The following RRP36 variants were observed in gnomAD, a reference collection of about 807,000 sequenced individuals.
RRP36 encodes ribosomal RNA processing protein 36 homolog.
A neutral mutation model predicts 39.8 loss-of-function variants in RRP36; 44 were observed. The observed-to-expected ratio is 1.10, with a 90% CI of 0.87 to 1.42. The LOEUF is 1.42. Ranked by LOEUF, RRP36 falls within the 40% of genes most tolerant of loss-of-function variation. The probability of loss-of-function intolerance (pLI) is 0.00; values close to 1 mark genes in which losing one functional copy is unlikely to be tolerated. For missense variants in RRP36, 316 were observed against 322.4 expected (o/e 0.98, Z 0.15); for synonymous variants, 124 against 123.1 (o/e 1.01, Z -0.05).
In RRP36 at chr6:43,021,698, G is replaced by T; in HGVS notation, c.44G>T (p.Gly15Val). Reference sequence around the variant, plus strand: ...CGCGCCGGGGCCGGGGCCGGGGCCGGGGCCCGACGTCCCCGCGGGGCCCGG... The same window carrying T: ...CGCGCCGGGGCCGGGGCCGGGGCCGTGGCCCGACGTCCCCGCGGGGCCCGG... ...NYRAGAGAGA[G>V]ARRPRGARDR... Residue 15 changes from glycine (G) to valine (V), a missense_variant, in exon 1 of 7, where the codon GGG becomes GTG. Transcript: ENST00000244496. 1 of 1,198,890 alleles carries T rather than the reference G, an allele frequency of 8.3e-7. No individual in the cohort carries two copies. The highest frequency in any genetic ancestry group is 1.0e-6 in the Non-Finnish European group (1 of 964,924). The allele number at this position is 1,198,890 out of a possible 1,614,324, so 74.3% of individuals were successfully genotyped here. A position where few individuals can be genotyped will look rare whatever the true frequency, so the allele number is the denominator to read the frequency against.
rs1762866281 is a variant in RRP36, at chr6:43,028,981, C to T, written c.644-111C>T. 3.0e-5 allele frequency: 42 copies of T among 1,404,804 alleles called. No individual in the cohort carries two copies. In the South Asian group the frequency reaches 5.5e-4, roughly 19 times the overall value. The allele number at this position is 1,404,804 out of a possible 1,614,324, so 87.0% of individuals were successfully genotyped here. A position where few individuals can be genotyped will look rare whatever the true frequency, so the allele number is the denominator to read the frequency against. On this transcript the variant is annotated intron_variant, in intron 6 of 6. Transcript: ENST00000244496. ...AAAAAGATAGAGGGGCACCAGTGAG[C>T]TTTAAAGAACTCATGTATCCAGCAT...
chr6:43,021,695 C>CCGGGGCCCGACGTCCCCG lies in RRP36; in HGVS notation c.51_68dup (p.Arg18_Arg23dup), dbSNP rs202053592. On this transcript the variant is annotated inframe_insertion, in exon 1 of 7. Transcript: ENST00000244496. ...TACCGCGCCGGGGCCGGGGCCGGGG[C>CCGGGGCCCGACGTCCCCG]CGGGGCCCGACGTCCCCGCGGGGCC... 63 of 1,238,082 alleles carry CCGGGGCCCGACGTCCCCG rather than the reference C, an allele frequency of 5.1e-5. No homozygotes were observed. The highest frequency in any genetic ancestry group is 5.9e-5 in the Non-Finnish European group (58 of 990,276). The allele number at this position is 1,238,082 out of a possible 1,614,324, so 76.7% of individuals were successfully genotyped here.
In RRP36 at chr6:43,026,067, T is replaced by A. The variant is rs1388047801; in HGVS notation, c.376T>A (p.Ser126Thr). The change falls in exon 4 of 7, where the codon TCA (serine) becomes ACA (threonine). Residue 126 changes from serine to threonine, a missense_variant. Physicochemically the swap from Ser to Thr is moderately conservative, Grantham distance 58. Coordinates refer to ENST00000244496, the MANE Select transcript of RRP36 (RefSeq NM_033112.4). ...CCGGGACCCTCGCTTTGATGATCTG[T>A]CAGGGGAATATAATCCTGAGGTGTT... ...VARDPRFDDL[S>T]GEYNPEVFDK... The A allele has an allele frequency of 3.1e-6, 5 of 1,613,804 alleles. No individual in the cohort carries two copies. Among genetic ancestry groups the A allele is most frequent in the Non-Finnish European group, 4.2e-6 (5 of 1,179,820 alleles).
intron 1 of RRP36, among the ~76,000 whole-genome samples, chr6:43,024,753 T>C (rs1186730513): frequency 2.6e-5 from 4 of 152,072 alleles, no homozygotes; most frequent in African/African-American, 9.7e-5. Flanking sequence ...GGGACTATGG[T>C]TTGGTGCACC....
In RRP36 at chr6:43,029,221, A is replaced by C; in HGVS notation, c.773A>C (p.Lys258Thr). 1 of 1,614,172 alleles carries C rather than the reference A, an allele frequency of 6.2e-7. No homozygotes were observed. The highest frequency in any genetic ancestry group is 8.5e-7 in the Non-Finnish European group (1 of 1,180,012). ...GACAGGAGACATCTCCCTTTGAGCA[A>C]AGAGTAATAAGGAACTATCCTCTGC... ...GKDRRHLPLS[K>T]E is the part of the protein sequence containing the mutation. Residue 258 changes from lysine to threonine, a missense_variant, in exon 7 of 7, where the codon AAA becomes ACA. By Grantham distance (78) the Lys-to-Thr change is moderately conservative. Transcript: ENST00000244496.
intron 3 of RRP36, 27 bp downstream of exon 3, chr6:43,025,356 C>T: frequency 6.2e-7 from 1 of 1,608,520 alleles, no homozygotes; most frequent in African/African-American, 1.3e-5. Context: ...GGCACTGTGG[C>T]TCACGCCTGT....
chr6:43,024,910 A>T, intron 1 of RRP36, 75 bp from the exon 2 acceptor site: 1 of 1,557,088 alleles, frequency 6.4e-7, no homozygotes, highest in Non-Finnish European at 8.7e-7. Context: ...CTAGCTAAGG[A>T]ATGGGGATGG....
chr6:43,023,982 G>A (rs1288337797), intron 1 of RRP36, among the ~76,000 whole-genome samples: 1 of 151,132 alleles, frequency 6.6e-6, no homozygotes, highest in Non-Finnish European at 1.5e-5. Flanking sequence ...TCAGCCTCCC[G>A]AGTAGCTGGG....
intron 1 of RRP36, among the ~76,000 whole-genome samples, chr6:43,022,664 G>A (rs6929065): frequency 6.1e-5 from 8 of 131,384 alleles, no homozygotes; most frequent in African/African-American, 2.4e-4. Flanking sequence ...ACGGCGTCTC[G>A]CTCTGTTGCC....
chr6:43,029,264 G>C lies in RRP36; in HGVS notation c.*36G>C. ...TCCTCTGCTCTGCCACTGCCCCAGG[G>C]AGACATGGATCTGTGAGGACAGATT... is the stretch of plus-strand genomic sequence containing the variant. On this transcript the variant is annotated 3_prime_UTR_variant, in exon 7 of 7. Transcript: ENST00000244496. The C allele has an allele frequency of 6.2e-7, 1 of 1,609,124 alleles. No individual in the cohort carries two copies. Among genetic ancestry groups the C allele is most frequent in the Non-Finnish European group, 8.5e-7 (1 of 1,176,040 alleles).
At chr6:43,022,795 C>T (rs9471994) in intron 1 of RRP36, among the ~76,000 whole-genome samples, 6 of 151,910 alleles carry the variant, frequency 3.9e-5, no homozygotes, top group African/African-American at 1.2e-4. Context: ...CCACGCCCGG[C>T]TAATTTTTTG....
intron 1 of RRP36, among the ~76,000 whole-genome samples, chr6:43,022,877 C>T (rs1762751305): frequency 1.3e-5 from 2 of 152,078 alleles, no homozygotes; most frequent in South Asian, 4.1e-4. Context: ...GTGATCCGCC[C>T]GCCTCGGCCT....
intron 4 of RRP36, 102 bp from the exon 5 acceptor site, chr6:43,027,076 G>A: frequency 2.0e-6 from 2 of 983,074 alleles, no homozygotes; most frequent in Non-Finnish European, 1.6e-6. Flanking sequence ...AAAAAAATGT[G>A]TGTGTGTGTA....
chr6:43,025,116 G>A lies in RRP36; in HGVS notation c.262G>A (p.Val88Ile). Residue 88 changes from valine to isoleucine, a missense_variant, in exon 2 of 7, where the codon GTT becomes ATT. By Grantham distance (29) the Val-to-Ile change is conservative. Coordinates refer to ENST00000244496, the MANE Select transcript of RRP36 (RefSeq NM_033112.4). Reference protein sequence around the residue: ...ASRPPIQNACVADKHRPLEMS... With the variant: ...ASRPPIQNACIADKHRPLEMS... ...TAGACCACCTATCCAAAATGCATGT[G>A]TTGCAGATAAGCACAGGTAAGCAAG... The A allele has an allele frequency of 1.9e-6, 3 of 1,614,208 alleles. No individual in the cohort carries two copies. The highest frequency in any genetic ancestry group is 2.5e-6 in the Non-Finnish European group (3 of 1,180,042).
At chr6:43,021,855 A>C in intron 1 of RRP36, 71 bp downstream of exon 1, 1 of 1,135,614 alleles carries the variant, frequency 8.8e-7, no homozygotes, top group Non-Finnish European at 1.1e-6. Context: ...GCCTGCAGAG[A>C]CGGTGCCGGT....
chr6:43,022,844 G>A (rs1230214752), intron 1 of RRP36, among the ~76,000 whole-genome samples: 10 of 151,814 alleles, frequency 6.6e-5, no homozygotes, highest in Admixed American at 2.6e-4. Flanking sequence ...TGTTAGCCAG[G>A]ATGGTCTCTA....
At chr6:43,027,103 A>T in intron 4 of RRP36, 75 bp from the exon 5 acceptor site, 1 of 1,333,138 alleles carries the variant, frequency 7.5e-7, no homozygotes, top group Non-Finnish European at 1.1e-6. Flanking sequence ...TGAACTTCTT[A>T]GGATAATGCT....
At chr6:43,027,322 G>A (rs1762831325) in intron 5 of RRP36, 38 bp from the exon 6 acceptor site, 4 of 1,612,520 alleles carry the variant, frequency 2.5e-6, no homozygotes, top group Non-Finnish European at 3.4e-6. Context: ...GATCTGAACA[G>A]ATCCCTCCCG....
intron 4 of RRP36, 67 bp from the exon 5 acceptor site, chr6:43,027,111 G>A: frequency 7.1e-7 from 1 of 1,406,612 alleles, no homozygotes; most frequent in Non-Finnish European, 1.0e-6. Context: ...TTAGGATAAT[G>A]CTTTACATAA....
Sources: gnomAD v4.1 joint callset for allele counts (sites outside exome capture counted in the v4.1 genomes callset) on GRCh38, gnomAD v4.1.1 for gene constraint, MANE v1.5 for transcripts, NCBI Gene and HGNC (gene_info 2026-07-23, HGNC 2026-07-21) for gene names.